The following CTDNEP1 variants were observed in gnomAD, a reference collection of about 807,000 sequenced individuals.
CTDNEP1 encodes the protein CTD nuclear envelope phosphatase 1, also known as C-terminal domain nuclear envelope phosphatase 1.
CTDNEP1 carries 3 observed loss-of-function variants against 30.1 expected under a neutral mutation model. That is an observed-to-expected ratio of 0.10 (90% CI 0.05 to 0.26). The LOEUF (loss-of-function observed/expected upper bound fraction) is 0.26, where lower values mean the gene tolerates loss of function less well. CTDNEP1 is among the 10% of genes least tolerant of loss of function. The probability of loss-of-function intolerance (pLI) is 1.00; values close to 1 mark genes in which losing one functional copy is unlikely to be tolerated. For missense variants in CTDNEP1, 158 were observed against 310.4 expected (o/e 0.51, Z 3.69); for synonymous variants, 123 against 118.8 (o/e 1.04, Z -0.23).
intron 6 of CTDNEP1, among the ~76,000 whole-genome samples, chr17:7,245,170 T>G (rs1022790159): frequency 1.3e-5 from 2 of 152,132 alleles, no homozygotes; most frequent in Non-Finnish European, 2.9e-5. Context: ...CAGGTGCCTG[T>G]GATCCCAGCT....
chr17:7,245,639 C>T (rs2071827251), intron 6 of CTDNEP1, among the ~76,000 whole-genome samples: 1 of 151,558 alleles, frequency 6.6e-6, no homozygotes, highest in Non-Finnish European at 1.5e-5. Flanking sequence ...GCTGGGATTA[C>T]AGGCGTGCGC....
intron 7 of CTDNEP1, 141 bp downstream of exon 7, chr17:7,244,410 G>T: frequency 8.5e-7 from 1 of 1,170,060 alleles, no homozygotes; most frequent in South Asian, 1.3e-5. Flanking sequence ...GATGAGCTTT[G>T]AAGTAAGACG....
intron 6 of CTDNEP1, among the ~76,000 whole-genome samples, chr17:7,245,046 A>C (rs2071818080): frequency 6.6e-6 from 1 of 152,174 alleles, no homozygotes; most frequent in South Asian, 2.1e-4. Flanking sequence ...TAATCCCAGC[A>C]CTTTGGGAGG....
Position 7,251,379 on chromosome 17 carries a change from G to C in CTDNEP1, c.-83C>G. On this transcript the variant is annotated 5_prime_UTR_variant, in exon 1 of 8. Transcript: ENST00000574322. Reference sequence around the variant, plus strand: ...CCCGGGGGCAGCCCCCCGCCGCCGGGAGGGGGAACGGGGGCCCCGAGTGGC... The same window carrying C: ...CCCGGGGGCAGCCCCCCGCCGCCGGCAGGGGGAACGGGGGCCCCGAGTGGC... 1.0e-6 allele frequency: 1 copy of C among 976,246 alleles called. No homozygotes were observed. The highest frequency in any genetic ancestry group is 1.4e-6 in the Non-Finnish European group (1 of 721,226). The allele number at this position is 976,246 out of a possible 1,614,324, so 60.5% of individuals were successfully genotyped here. A position where few individuals can be genotyped will look rare whatever the true frequency, so the allele number is the denominator to read the frequency against.
chr17:7,249,858 CGGAGAT>C (rs1482944479), intron 1 of CTDNEP1, among the ~76,000 whole-genome samples: 1 of 152,082 alleles, frequency 6.6e-6, no homozygotes, highest in Non-Finnish European at 1.5e-5. Flanking sequence ...TTGCAGTGAG[CGGAGAT>C]GGCACCACTG....
At chr17:7,244,292 C>T in intron 7 of CTDNEP1, 47 bp from the exon 8 acceptor site, 3 of 1,584,652 alleles carry the variant, frequency 1.9e-6, no homozygotes, top group Non-Finnish European at 2.6e-6. Flanking sequence ...ATAGTTCATA[C>T]CCTCACAACA....
chr17:7,249,404 T>C (rs975546827), intron 1 of CTDNEP1, among the ~76,000 whole-genome samples: 1 of 152,176 alleles, frequency 6.6e-6, no homozygotes, highest in Non-Finnish European at 1.5e-5. Flanking sequence ...TTGCATATGC[T>C]GGGCATGTAG....
intron 1 of CTDNEP1, among the ~76,000 whole-genome samples, chr17:7,249,515 A>T (rs1389184127): frequency 6.6e-6 from 1 of 152,168 alleles, no homozygotes; most frequent in Admixed American, 6.5e-5. Flanking sequence ...CCCAAAGGAG[A>T]GCAATTTTGG....
rs755315856 is a variant in CTDNEP1, at chr17:7,247,157, C to G, written c.195G>C (p.Val65=). ...GAATAAGTGTCTCATCCAGATCCAG[C>G]ACCAGGATCTTCCTCTTCACCTGGG... ...RLAQVKRKIL[V]LDLDETLIHS... is the part of the protein sequence containing the mutation. The change falls in exon 3 of 8, where the codon GTG becomes GTC. Residue 65 remains valine (V), a synonymous_variant. Coordinates refer to ENST00000574322, the MANE Select transcript of CTDNEP1 (RefSeq NM_001143775.2). 3 of 1,613,792 alleles carry G rather than the reference C, an allele frequency of 1.9e-6. No homozygotes were observed. The highest frequency in any genetic ancestry group is 2.7e-5 in the African/African-American group (2 of 74,908).
In CTDNEP1 at chr17:7,247,272, C is replaced by T. The variant is rs1221607753; in HGVS notation, c.169+5G>A. The T allele has an allele frequency of 1.2e-6, 2 of 1,613,926 alleles. No individual in the cohort carries two copies. Among genetic ancestry groups the T allele is most frequent in the South Asian group, 1.1e-5 (1 of 91,080 alleles). The stretch of plus-strand genomic sequence containing the variant: ...CCTAAAGGAGGCTTCCCACCACATA[C>T]TTACCTAGCCGATTCCGGGACACAG... On this transcript the variant is annotated splice_donor_5th_base_variant and intron_variant, in intron 2 of 7. Transcript: ENST00000574322.
chr17:7,244,457 G>A (rs1159390549), intron 7 of CTDNEP1, 94 bp downstream of exon 7: 24 of 1,331,814 alleles, frequency 1.8e-5, no homozygotes, highest in Non-Finnish European at 1.4e-5. Context: ...AGGGAACAGA[G>A]TTAAAACAGG....
intron 1 of CTDNEP1, among the ~76,000 whole-genome samples, chr17:7,248,651 C>T (rs1476693150): frequency 6.6e-6 from 1 of 152,122 alleles, no homozygotes; most frequent in Non-Finnish European, 1.5e-5. Flanking sequence ...GCCACCACCC[C>T]CGGCCGAAGC....
At position 7,251,261 on chromosome 17, in the gene CTDNEP1, C is replaced by G. The variant is rs563383589; in HGVS notation, c.36G>C (p.Thr12=). ...AGAGCTTGGCGGCGAAGGCCACGAA[C>G]GTGCGCAGCCCCAGCAGACACTGCG... ...MRTQCLLGLR[T]FVAFAAKLWS... Residue 12 remains threonine (T), a synonymous_variant, in exon 1 of 8, where the codon ACG becomes ACC. Coordinates refer to ENST00000574322, the MANE Select transcript of CTDNEP1 (RefSeq NM_001143775.2). 19 of 1,601,476 alleles carry G rather than the reference C, an allele frequency of 1.2e-5. No homozygotes were observed. The highest frequency in any genetic ancestry group is 1.7e-4 in the Middle Eastern group (1 of 6,044).
At chr17:7,250,801 C>T (rs748473186) in intron 1 of CTDNEP1, among the ~76,000 whole-genome samples, 2 of 152,056 alleles carry the variant, frequency 1.3e-5, no homozygotes, top group East Asian at 3.9e-4. Context: ...TGTTATAGGA[C>T]CAAACACACA....
intron 1 of CTDNEP1, among the ~76,000 whole-genome samples, chr17:7,249,448 G>C (rs2071884698): frequency 6.6e-6 from 1 of 152,164 alleles, no homozygotes; most frequent in Non-Finnish European, 1.5e-5. Context: ...AAGCGGGGTG[G>C]GGAAAGAAAC....
chr17:7,248,362 C>CTT lies in CTDNEP1; in HGVS notation c.103-1021_103-1020dup, dbSNP rs796375773. ...CCAAGAACGTGCCCTCTTTTTTTTT[C>CTT]TTTTTTTTTTTTTTGAGAAGGGAGT... On this transcript the variant is annotated intron_variant, in intron 1 of 7. Coordinates refer to ENST00000574322, the MANE Select transcript of CTDNEP1 (RefSeq NM_001143775.2). Among the ~76,000 whole-genome samples, 49 of 94,402 alleles carry CTT rather than the reference C, an allele frequency of 5.2e-4. 2 individuals are homozygous for CTT. The highest frequency in any genetic ancestry group is 1.7e-3 in the African/African-American group (47 of 27,196). The allele number at this position is 94,402 out of a possible 152,430, so 61.9% of individuals were successfully genotyped here. A position where few individuals can be genotyped will look rare whatever the true frequency, so the allele number is the denominator to read the frequency against.
chr17:7,251,173 G>C, intron 1 of CTDNEP1, 22 bp downstream of exon 1: 1 of 1,562,962 alleles, frequency 6.4e-7, no homozygotes, highest in Non-Finnish European at 8.7e-7. Context: ...CCCCAACACC[G>C]CCAGCGCCCA....
intron 6 of CTDNEP1, 193 bp from the exon 7 acceptor site, chr17:7,244,828 T>C: frequency 1.9e-6 from 1 of 540,318 alleles, no homozygotes; most frequent in South Asian, 2.2e-5. Context: ...TACCTATTGA[T>C]GCTTCTAGTC....
intron 7 of CTDNEP1, 68 bp from the exon 8 acceptor site, chr17:7,244,313 G>A (rs752837064): frequency 2.0e-5 from 30 of 1,534,832 alleles, no homozygotes; most frequent in African/African-American, 2.7e-5. Flanking sequence ...CTCTTGTAAG[G>A]CAGCATCACT....
Sources: gnomAD v4.1 joint callset for allele counts (sites outside exome capture counted in the v4.1 genomes callset) on GRCh38, gnomAD v4.1.1 for gene constraint, MANE v1.5 for transcripts, NCBI Gene and HGNC (gene_info 2026-07-23, HGNC 2026-07-21) for gene names.